Variants in CREBRF observed in about 807,000 individuals in gnomAD.
CREBRF encodes CREB3 regulatory factor.
Under a neutral mutation model 66.1 loss-of-function variants are expected in CREBRF, and 5 were observed. That is an observed-to-expected ratio of 0.08 (90% CI 0.04 to 0.16). CREBRF has a LOEUF of 0.16. Among genes scored for constraint, CREBRF ranks in the 10% least tolerant of loss-of-function variants. The probability of loss-of-function intolerance (pLI) is 1.00; values close to 1 mark genes in which losing one functional copy is unlikely to be tolerated. For synonymous variants in CREBRF, 229 were observed against 264.4 expected, an observed-to-expected ratio of 0.87 and a Z score of 1.30; for missense variants, 531 against 744.9, an observed-to-expected ratio of 0.71 and a Z score of 3.34.
intron 4 of CREBRF, among the ~76,000 whole-genome samples, chr5:173,103,572 C>T (rs1337372622): frequency 6.6e-6 from 1 of 152,178 alleles, no homozygotes; most frequent in Admixed American, 6.5e-5. Context: ...TTTGTGATGA[C>T]TAGCTCCCTT....
intron 4 of CREBRF, among the ~76,000 whole-genome samples, chr5:173,093,261 G>T (rs1758394068): frequency 6.6e-6 from 1 of 152,086 alleles, no homozygotes; most frequent in Non-Finnish European, 1.5e-5. Flanking sequence ...CATCACCAAG[G>T]CAGCAAGGAC....
chr5:173,057,018 G>T (rs1435363542), intron 1 of CREBRF, among the ~76,000 whole-genome samples: 1 of 152,024 alleles, frequency 6.6e-6, no homozygotes, highest in Non-Finnish European at 1.5e-5. Flanking sequence ...TGGGGCTAGG[G>T]GGGTCCGAGC....
Position 173,080,620 on chromosome 5 carries a change from T to A in CREBRF, c.-156T>A. 1 of 641,038 alleles carries A rather than the reference T, an allele frequency of 1.6e-6. No individual in the cohort carries two copies. The highest frequency in any genetic ancestry group is 2.8e-6 in the Non-Finnish European group (1 of 360,890). 39.7% of individuals were successfully genotyped at this position (641,038 alleles called of 1,614,324 possible). ...ACAGAATTATTTTAAAAAAAAGCAG[T>A]GATCCAAGCAATTGAATTGGAAGCA... is the stretch of plus-strand genomic sequence containing the variant. On this transcript the variant is annotated 5_prime_UTR_variant, in exon 2 of 9. Coordinates refer to ENST00000296953, the MANE Select transcript of CREBRF (RefSeq NM_153607.3).
chr5:173,091,336 A>G lies in CREBRF; in HGVS notation c.1157A>G (p.Glu386Gly). The G allele has an allele frequency of 6.2e-7, 1 of 1,613,366 alleles. No individual in the cohort carries two copies. The highest frequency in any genetic ancestry group is 8.5e-7 in the Non-Finnish European group (1 of 1,179,520). Residue 386 changes from glutamate (E) to glycine (G), a missense_variant, in exon 4 of 9, where the codon GAA becomes GGA. Glu to Gly is a moderately conservative substitution (Grantham distance 98). Around this residue, in one of 5 missense-constraint regions of CREBRF, gnomAD observed 309 missense variants for 341.4 expected, o/e 0.90. Coordinates refer to ENST00000296953, the MANE Select transcript of CREBRF (RefSeq NM_153607.3). ...GAACTGTCTGAAAATGAGGAGGAGGAAGAAGAGGAAGAGGATTATGAAGAT... is the reference window on the plus strand; with the variant it reads ...GAACTGTCTGAAAATGAGGAGGAGGGAGAAGAGGAAGAGGATTATGAAGAT... Reference protein sequence around the residue: ...EHELSENEEEEEEEEDYEDDK... With the variant: ...EHELSENEEEGEEEEDYEDDK...
rs1759583097 is a variant in CREBRF at position 173,136,069 on chromosome 5, A to G, written c.*2324A>G. On this transcript the variant is annotated 3_prime_UTR_variant, in exon 9 of 9. Transcript: ENST00000296953. Reference sequence around the variant, plus strand: ...GTCTGGTAAATTGAAAAGTGTTTCAAACTATGGCAGTTTTGCAATCAGGTG... The same window carrying G: ...GTCTGGTAAATTGAAAAGTGTTTCAGACTATGGCAGTTTTGCAATCAGGTG... The G allele has an allele frequency of 6.6e-6, 1 of 152,480 alleles. No individual in the cohort carries two copies. Among genetic ancestry groups the G allele is most frequent in the Non-Finnish European group, 1.5e-5 (1 of 67,928 alleles). 9.4% of individuals were successfully genotyped at this position (152,480 alleles called of 1,614,324 possible).
intron 1 of CREBRF, among the ~76,000 whole-genome samples, chr5:173,066,369 T>C (rs1385195176): frequency 1.3e-5 from 2 of 152,244 alleles, no homozygotes; most frequent in Non-Finnish European, 2.9e-5. Context: ...CTATTTCTTA[T>C]GCACCTACAA....
chr5:173,092,236 A>C, intron 4 of CREBRF: 1 of 973,520 alleles, frequency 1.0e-6, no homozygotes, highest in Non-Finnish European at 1.2e-6. Flanking sequence ...TTTATGAATA[A>C]TGTAAAAGCA....
chr5:173,096,312 T>C (rs550614822), intron 4 of CREBRF, among the ~76,000 whole-genome samples: 24 of 152,302 alleles, frequency 1.6e-4, no homozygotes, highest in African/African-American at 5.1e-4. Context: ...GATCATGTCA[T>C]CTACTAACAG....
At chr5:173,096,600 T>C (rs2113749784) in intron 4 of CREBRF, among the ~76,000 whole-genome samples, 1 of 144,684 alleles carries the variant, frequency 6.9e-6, no homozygotes, top group South Asian at 2.4e-4. Context: ...TATCAATACA[T>C]GGAATAGTAG....
rs80345939 is a variant in CREBRF, at chr5:173,073,587, G to A, written c.-191-6998G>A. ...TTGACAGATACCAAGGCTGCAGAAA[G>A]CCTCCAATACCTTGCAATTGATAGT... On this transcript the variant is annotated intron_variant, in intron 1 of 8. Transcript: ENST00000296953. Among the ~76,000 whole-genome samples, 82 of 152,326 alleles carry A rather than the reference G, an allele frequency of 5.4e-4. No homozygotes were observed. In the East Asian group the frequency reaches 0.014, roughly 25 times the overall value.
rs1303933031 is a variant in CREBRF, at chr5:173,137,857, A to G, written c.*4112A>G. On this transcript the variant is annotated 3_prime_UTR_variant, in exon 9 of 9. Coordinates refer to ENST00000296953, the MANE Select transcript of CREBRF (RefSeq NM_153607.3). ...TAAGAAATGAATTCAAGTTGCCTTC[A>G]GCAAGAATTAACAAAAACTTATGTT... The G allele has an allele frequency of 6.6e-6, 1 of 152,170 alleles. No homozygotes were observed. Among genetic ancestry groups the G allele is most frequent in the Non-Finnish European group, 1.5e-5 (1 of 67,982 alleles). 9.4% of individuals were successfully genotyped at this position (152,170 alleles called of 1,614,324 possible).
intron 1 of CREBRF, among the ~76,000 whole-genome samples, chr5:173,064,446 C>T (rs1325400198): frequency 3.3e-5 from 5 of 151,974 alleles, no homozygotes; most frequent in African/African-American, 4.8e-5. Flanking sequence ...TGCAGGGGCA[C>T]GATCACGGCT....
rs869148787 is a variant in CREBRF at position 173,082,003 on chromosome 5, G to GTT, written c.9+1246_9+1247dup. ...AGAGTGGTTGCCCATTCAAGGTTTAGTTTTTTTTTTTTTTTTTTTTTTTTT... is the reference window on the plus strand; with the variant it reads ...AGAGTGGTTGCCCATTCAAGGTTTAGTTTTTTTTTTTTTTTTTTTTTTTTTTT... On this transcript the variant is annotated intron_variant, in intron 2 of 8. Transcript: ENST00000296953. Among the ~76,000 whole-genome samples the GTT allele has an allele frequency of 2.1e-3, 163 of 78,076 alleles. 21 individuals are homozygous for GTT. The highest frequency in any genetic ancestry group is 7.2e-3 in the South Asian group (14 of 1,958). 51.2% of individuals were successfully genotyped at this position (78,076 alleles called of 152,430 possible).
intron 1 of CREBRF, among the ~76,000 whole-genome samples, chr5:173,068,839 C>G (rs1225597377): frequency 6.6e-6 from 1 of 151,346 alleles, no homozygotes; most frequent in African/African-American, 2.4e-5. Flanking sequence ...GAGGCCGAGG[C>G]AGGCGAATTG....
intron 1 of CREBRF, among the ~76,000 whole-genome samples, chr5:173,078,882 C>T (rs1351363371): frequency 6.6e-6 from 1 of 152,066 alleles, no homozygotes; most frequent in Non-Finnish European, 1.5e-5. Flanking sequence ...AACTTTTCTC[C>T]CAAATCCAGG....
rs986010110 is a variant in CREBRF at position 173,133,549 on chromosome 5, C to T, written c.1805-81C>T. 1.7e-5 allele frequency: 12 copies of T among 716,080 alleles called. No homozygotes were observed. The African/African-American group carries it at 2.0e-4, about 12-fold the overall frequency. The allele number at this position is 716,080 out of a possible 1,614,324, so 44.4% of individuals were successfully genotyped here. ...ATCAAGCTGAGGGCCACACCTGAAC[C>T]TCAGTTTTTACCAGCTCCTTCCCTT... On this transcript the variant is annotated intron_variant, in intron 8 of 8. Transcript: ENST00000296953.
At chr5:173,105,631 C>T (rs1758731026) in intron 4 of CREBRF, among the ~76,000 whole-genome samples, 1 of 152,056 alleles carries the variant, frequency 6.6e-6, no homozygotes, top group Non-Finnish European at 1.5e-5. Flanking sequence ...CCACACCCAG[C>T]TGATTTTTGT....
intron 8 of CREBRF, among the ~76,000 whole-genome samples, chr5:173,126,167 G>A (rs1421124016): frequency 6.6e-6 from 1 of 152,038 alleles, no homozygotes; most frequent in Non-Finnish European, 1.5e-5. Flanking sequence ...TTGAGACAGA[G>A]TCTCACTCTG....
chr5:173,069,926 C>T lies in CREBRF; in HGVS notation c.-191-10659C>T, dbSNP rs368512393. ...GAAACAATTTTTTTTTTTTTTGAGACGGAATCTCTCTTGTAGTCTAGGCTG... is the reference window on the plus strand; with the variant it reads ...GAAACAATTTTTTTTTTTTTTGAGATGGAATCTCTCTTGTAGTCTAGGCTG... On this transcript the variant is annotated intron_variant, in intron 1 of 8. Coordinates refer to ENST00000296953, the MANE Select transcript of CREBRF (RefSeq NM_153607.3). 8.8e-4 allele frequency among the ~76,000 whole-genome samples: 132 copies of T among 149,796 alleles called. 6 individuals carry two copies. The South Asian group carries it at 0.023, about 26-fold the overall frequency.
Sources: allele counts gnomAD v4.1 joint callset (sites outside exome capture counted in the v4.1 genomes callset), GRCh38; gene constraint gnomAD v4.1.1; regional missense constraint gnomAD v4.1.1; transcripts MANE v1.5; gene names NCBI Gene and HGNC (gene_info 2026-07-23, HGNC 2026-07-21).